The following CHN1 variants were observed in gnomAD, a reference collection of about 807,000 sequenced individuals.
CHN1 encodes N-chimaerin.
CHN1 carries 37 observed loss-of-function variants against 59.5 expected under a neutral mutation model. The ratio of observed to expected loss-of-function variants is 0.62; its 90% confidence interval spans 0.48 to 0.82. The LOEUF (loss-of-function observed/expected upper bound fraction) is 0.82. Ranked by LOEUF, CHN1 falls within the 40% of genes least tolerant of loss-of-function variation. CHN1 has a pLI of 0.00. For missense variants in CHN1, 469 were observed against 571.0 expected (o/e 0.82, Z 1.82); for synonymous variants, 206 against 200.4 (o/e 1.03, Z -0.24).
intron 7 of CHN1, among the ~76,000 whole-genome samples, chr2:174,828,256 A>G (rs960638717): frequency 6.6e-6 from 1 of 152,308 alleles, no homozygotes; most frequent in South Asian, 2.1e-4. Flanking sequence ...GAATTCAGAG[A>G]AGGGCCACTG....
At chr2:174,941,501 T>C (rs1035457099) in intron 3 of CHN1, among the ~76,000 whole-genome samples, 5 of 152,170 alleles carry the variant, frequency 3.3e-5, no homozygotes, top group Non-Finnish European at 5.9e-5. Flanking sequence ...GAACCCTGGT[T>C]CCCCCTAATC....
intron 7 of CHN1, among the ~76,000 whole-genome samples, chr2:174,843,297 T>C (rs1686379229): frequency 6.6e-6 from 1 of 152,120 alleles, no homozygotes; most frequent in African/African-American, 2.4e-5. Context: ...TGGAGTTCAG[T>C]GATGTGATCT....
intron 7 of CHN1, among the ~76,000 whole-genome samples, chr2:174,839,016 T>C (rs1160903466): frequency 7.0e-6 from 1 of 142,300 alleles, no homozygotes; most frequent in Non-Finnish European, 1.5e-5. Flanking sequence ...GACTCTGTCT[T>C]AAAAAAAAAA....
At chr2:174,983,547 C>T (rs974851387) in intron 1 of CHN1, among the ~76,000 whole-genome samples, 10 of 151,918 alleles carry the variant, frequency 6.6e-5, no homozygotes, top group African/African-American at 1.7e-4. Flanking sequence ...ATAAGCTAGA[C>T]GGCCGGGCAC....
intron 1 of CHN1, among the ~76,000 whole-genome samples, chr2:174,990,222 G>C (rs1263988009): frequency 6.7e-6 from 1 of 149,214 alleles, no homozygotes; most frequent in Non-Finnish European, 1.5e-5. Context: ...GGGTGTGTGT[G>C]TGTGGTGTGT....
At chr2:174,930,470 C>T (rs1689308650) in intron 3 of CHN1, among the ~76,000 whole-genome samples, 1 of 152,216 alleles carries the variant, frequency 6.6e-6, no homozygotes, top group East Asian at 1.9e-4. Context: ...GCATGAGCTC[C>T]GTGGAGTCAT....
At chr2:174,964,434 C>T (rs1690532159) in intron 1 of CHN1, among the ~76,000 whole-genome samples, 1 of 152,180 alleles carries the variant, frequency 6.6e-6, no homozygotes, top group South Asian at 2.1e-4. Flanking sequence ...TGTAAGTAAA[C>T]TATCTGTAAG....
chr2:174,927,050 G>A (rs543609747), intron 3 of CHN1, among the ~76,000 whole-genome samples: 14 of 152,078 alleles, frequency 9.2e-5, no homozygotes, highest in Admixed American at 5.9e-4. Context: ...GAGCCACTGC[G>A]CCCGGCCTAC....
At chr2:174,948,043 A>C (rs1558993507) in intron 2 of CHN1, among the ~76,000 whole-genome samples, 1 of 152,200 alleles carries the variant, frequency 6.6e-6, no homozygotes, top group Non-Finnish European at 1.5e-5. Context: ...TCACCTTAGA[A>C]GTGTCAATGA....
At chr2:174,847,797 A>T in intron 6 of CHN1, 1 of 537,172 alleles carries the variant, frequency 1.9e-6, no homozygotes, top group South Asian at 1.6e-5. Flanking sequence ...AAAAAAAAAA[A>T]AAAATCAGTG....
At chr2:174,802,369 G>C (rs1304136294) in intron 11 of CHN1, among the ~76,000 whole-genome samples, 1 of 152,116 alleles carries the variant, frequency 6.6e-6, no homozygotes, top group African/African-American at 2.4e-5. Context: ...TCATTACACT[G>C]TTTTAAATTA....
chr2:174,897,515 TA>T (rs10711155), intron 5 of CHN1, among the ~76,000 whole-genome samples: 68,601 of 145,702 alleles, frequency 0.47, 16,351 homozygotes, highest in African/African-American at 0.59. Context: ...GCAGGATAGT[TA>T]AAAAAAAAAA....
At chr2:174,841,314 A>G (rs1454914607) in intron 7 of CHN1, among the ~76,000 whole-genome samples, 1 of 152,210 alleles carries the variant, frequency 6.6e-6, no homozygotes, top group Non-Finnish European at 1.5e-5. Flanking sequence ...GCTGAGGGGC[A>G]GTGCACAGGT....
chr2:174,849,636 TCTAC>T (rs1686660291), intron 6 of CHN1, among the ~76,000 whole-genome samples: 1 of 152,204 alleles, frequency 6.6e-6, no homozygotes, highest in South Asian at 2.1e-4. Flanking sequence ...TAGATAGCCA[TCTAC>T]TCATATATAG....
intron 6 of CHN1, among the ~76,000 whole-genome samples, chr2:174,850,438 G>A: frequency 6.6e-6 from 1 of 152,276 alleles, no homozygotes; most frequent in Middle Eastern, 3.4e-3. Flanking sequence ...GACCTTGGGA[G>A]TTCTGCTTTG....
intron 2 of CHN1, among the ~76,000 whole-genome samples, chr2:174,946,377 T>G (rs1689837443): frequency 6.6e-6 from 1 of 152,104 alleles, no homozygotes; most frequent in African/African-American, 2.4e-5. Flanking sequence ...ATGCTATAAT[T>G]TAAAAGGAAC....
chr2:174,895,130 G>C (rs887135475), intron 5 of CHN1, among the ~76,000 whole-genome samples: 1 of 147,806 alleles, frequency 6.8e-6, no homozygotes, highest in African/African-American at 2.5e-5. Flanking sequence ...TGTATACACT[G>C]CAGATAAGAG....
intron 6 of CHN1, among the ~76,000 whole-genome samples, chr2:174,868,639 A>T: frequency 6.6e-6 from 1 of 152,242 alleles, no homozygotes; most frequent in East Asian, 1.9e-4. Flanking sequence ...TAAAGGCAAC[A>T]GGAGAAAAGT....
chr2:174,824,612 T>G, intron 7 of CHN1, 94 bp from the exon 8 acceptor site: 1 of 571,630 alleles, frequency 1.7e-6, no homozygotes, highest in Non-Finnish European at 3.0e-6. Context: ...AAGCCACATA[T>G]TCTATATATA....
Sources: gnomAD v4.1 joint callset for allele counts (sites outside exome capture counted in the v4.1 genomes callset) on GRCh38, gnomAD v4.1.1 for gene constraint, MANE v1.5 for transcripts, NCBI Gene and HGNC (gene_info 2026-07-23, HGNC 2026-07-21) for gene names.